The following ADARB1 variants were observed in gnomAD, a reference collection of about 807,000 sequenced individuals.
The protein encoded by ADARB1 is adenosine deaminase RNA specific B1, also known as double-stranded RNA-specific editase 1.
ADARB1 carries 10 observed loss-of-function variants against 52.4 expected under a neutral mutation model. The observed-to-expected ratio is 0.19, with a 90% CI of 0.12 to 0.32. The LOEUF is 0.32. ADARB1 is among the 10% of genes least tolerant of loss of function. The pLI is 1.00. For synonymous variants in ADARB1, 349 were observed against 371.1 expected (o/e 0.94, Z 0.68); for missense variants, 643 against 922.3 (o/e 0.70, Z 3.92).
chr21:45,127,760 C>T (rs901422119), intron 1 of ADARB1, among the ~76,000 whole-genome samples: 1 of 152,148 alleles, frequency 6.6e-6, no homozygotes, highest in Non-Finnish European at 1.5e-5. Context: ...AATGGAGAAA[C>T]CCATTGCAGA....
rs1009889525 is a variant in ADARB1, at chr21:45,184,916, C to T, written c.1397-7C>T. ...CCTGTGGGGTTTTAACTCTTTTTCTCTCTTAGAACCAGCAGATAGACACCC... is the reference window on the plus strand; with the variant it reads ...CCTGTGGGGTTTTAACTCTTTTTCTTTCTTAGAACCAGCAGATAGACACCC... On this transcript the variant is annotated splice_polypyrimidine_tract_variant and splice_region_variant and intron_variant, in intron 7 of 10. Transcript: ENST00000348831. 6.2e-7 allele frequency: 1 copy of T among 1,606,152 alleles called. No individual in the cohort carries two copies. The highest frequency in any genetic ancestry group is 8.5e-7 in the Non-Finnish European group (1 of 1,174,014).
Position 45,226,470 on chromosome 21 carries a change from C to T in ADARB1, c.*4273C>T, listed in dbSNP as rs961489291. The T allele has an allele frequency of 4.6e-5, 7 of 152,640 alleles. No individual in the cohort carries two copies. The highest frequency in any genetic ancestry group is 6.5e-5 in the Admixed American group (1 of 15,290). 9.5% of individuals were successfully genotyped at this position (152,640 alleles called of 1,614,324 possible). A position where few individuals can be genotyped will look rare whatever the true frequency, so the allele number is the denominator to read the frequency against. On this transcript the variant is annotated 3_prime_UTR_variant, in exon 11 of 11. Transcript: ENST00000348831. ...CGTTACAACTGCATGAGCTTCCTCTCGCACAAGACCAGCTGGAACTGAGCA... is the reference window on the plus strand; with the variant it reads ...CGTTACAACTGCATGAGCTTCCTCTTGCACAAGACCAGCTGGAACTGAGCA...
At chr21:45,137,684 T>C (rs1173303063) in intron 2 of ADARB1, among the ~76,000 whole-genome samples, 1 of 152,198 alleles carries the variant, frequency 6.6e-6, no homozygotes, top group Non-Finnish European at 1.5e-5. Flanking sequence ...GCCCACTGCA[T>C]GTGAACAGCC....
intron 9 of ADARB1, among the ~76,000 whole-genome samples, chr21:45,217,783 G>A (rs1461012368): frequency 6.6e-6 from 1 of 152,014 alleles, no homozygotes; most frequent in African/African-American, 2.4e-5. Flanking sequence ...GGTATGTCTG[G>A]GAAAGTATTT....
intron 3 of ADARB1, 22 bp from the exon 4 acceptor site, chr21:45,175,708 T>G (rs749115732): frequency 1.2e-6 from 2 of 1,611,402 alleles, no homozygotes; most frequent in Non-Finnish European, 1.7e-6. Flanking sequence ...GCATTGTAAG[T>G]TACTCTTTCT....
At position 45,208,935 on chromosome 21, in the gene ADARB1, TA is replaced by T. The variant is rs2146380346; in HGVS notation, c.1747+4200del. Among the ~76,000 whole-genome samples, 1 of 152,342 alleles carries T rather than the reference TA, an allele frequency of 6.6e-6. No individual in the cohort carries two copies. The highest frequency in any genetic ancestry group is 2.4e-5 in the African/African-American group (1 of 41,578). ...CATCTGACAATTTTTCTTTCCATTT[TA>T]CTTTCTGTTTTCCTCCCCTTTGCTT... On this transcript the variant is annotated intron_variant, in intron 9 of 10. Coordinates refer to ENST00000348831, the MANE Select transcript of ADARB1 (RefSeq NM_001112.4). This position sits in a 1 kb window ranked among gnomAD's most constrained non-coding sequence, Gnocchi z 5.6.
chr21:45,182,006 T>C (rs1267242419), intron 5 of ADARB1, among the ~76,000 whole-genome samples: 1 of 152,238 alleles, frequency 6.6e-6, no homozygotes, highest in Admixed American at 6.5e-5. Context: ...ACACCTCTGG[T>C]CAGTGGTTTA....
At position 45,106,416 on chromosome 21, in the gene ADARB1, G is replaced by T. The variant is rs140936474; in HGVS notation, c.-219-21986G>T. On this transcript the variant is annotated intron_variant, in intron 1 of 10. Coordinates refer to ENST00000348831, the MANE Select transcript of ADARB1 (RefSeq NM_001112.4). ...GTCTCTAAGGCCATCCTAAATACGT[G>T]ACCTGGAGAGAGAGGGGGTGGCTAG... Among the ~76,000 whole-genome samples the T allele has an allele frequency of 1.1e-3, 173 of 152,188 alleles. 2 individuals carry two copies. The highest frequency in any genetic ancestry group is 4.0e-3 in the African/African-American group (168 of 41,510).
intron 2 of ADARB1, among the ~76,000 whole-genome samples, chr21:45,165,846 C>T (rs772705444): frequency 1.6e-4 from 24 of 150,096 alleles, no homozygotes; most frequent in South Asian, 1.0e-3. Context: ...TTTTAGTTTG[C>T]AGTTCAAAGC....
At chr21:45,155,095 A>G (rs2090484857) in intron 2 of ADARB1, among the ~76,000 whole-genome samples, 2 of 152,232 alleles carry the variant, frequency 1.3e-5, no homozygotes, top group Non-Finnish European at 2.9e-5. Context: ...ATGTGATAAC[A>G]TCCTTATCTG....
intron 1 of ADARB1, among the ~76,000 whole-genome samples, chr21:45,111,417 G>A (rs1183841392): frequency 1.3e-5 from 2 of 151,916 alleles, no homozygotes; most frequent in African/African-American, 2.4e-5. Flanking sequence ...ATCAACATCC[G>A]TATCCGGAGC....
intron 7 of ADARB1, 128 bp downstream of exon 7, chr21:45,183,638 A>G (rs1345693538): frequency 9.1e-7 from 1 of 1,095,296 alleles, no homozygotes. Flanking sequence ...ATCTGATAAG[A>G]GTCTCTATAA....
chr21:45,078,052 CA>C (rs145640817), intron 1 of ADARB1, among the ~76,000 whole-genome samples: 61 of 151,918 alleles, frequency 4.0e-4, no homozygotes, highest in Non-Finnish European at 6.9e-4. Flanking sequence ...CAAATTATCA[CA>C]ATTTTTTTTT....
At chr21:45,085,425 G>A (rs962256651) in intron 1 of ADARB1, among the ~76,000 whole-genome samples, 14 of 152,188 alleles carry the variant, frequency 9.2e-5, no homozygotes, top group African/African-American at 1.2e-4. Context: ...GTGTGAAGTC[G>A]ATTTAAACAG....
chr21:45,170,237 A>G (rs1014322210), intron 2 of ADARB1, among the ~76,000 whole-genome samples: 1 of 152,250 alleles, frequency 6.6e-6, no homozygotes, highest in Non-Finnish European at 1.5e-5. Flanking sequence ...TAAATACTTC[A>G]GTATATGTCA....
intron 2 of ADARB1, among the ~76,000 whole-genome samples, chr21:45,155,906 C>T (rs2090554379): frequency 9.7e-6 from 1 of 102,590 alleles, no homozygotes; most frequent in African/African-American, 3.9e-5. Context: ...ACCCATTACC[C>T]ATCATCCATC....
At chr21:45,196,971 C>T (rs1425274774) in intron 8 of ADARB1, among the ~76,000 whole-genome samples, 2 of 152,124 alleles carry the variant, frequency 1.3e-5, no homozygotes, top group Admixed American at 6.5e-5. Flanking sequence ...GCAGATGGAT[C>T]GCTTGAGGTC....
intron 2 of ADARB1, among the ~76,000 whole-genome samples, chr21:45,146,894 A>AT (rs1336826235): frequency 6.6e-6 from 1 of 152,124 alleles, no homozygotes; most frequent in Non-Finnish European, 1.5e-5. Context: ...CTGGGTAAAA[A>AT]TTCTGGCTTC....
Position 45,220,843 on chromosome 21 carries a change from C to G in ADARB1, c.1755C>G (p.Ser585Arg), listed in dbSNP as rs1429467094. The G allele has an allele frequency of 6.2e-7, 1 of 1,612,886 alleles. No homozygotes were observed. The highest frequency in any genetic ancestry group is 1.7e-5 in the Admixed American group (1 of 59,988). Residue 585 changes from serine (S) to arginine (R), a missense_variant, in exon 10 of 11, where the codon AGC (serine) becomes AGG (arginine). Physicochemically the swap from Ser to Arg is moderately radical, Grantham distance 110 (BLOSUM62 -1). Coordinates refer to ENST00000348831, the MANE Select transcript of ADARB1 (RefSeq NM_001112.4). This position sits in a 1 kb window ranked among gnomAD's most constrained non-coding sequence, Gnocchi z 6.3. ...TLNKPLLSGI[S>R]NAEARQPGKA... Reference sequence around the variant, plus strand: ...CTGTGTCTTCCGTTTCAGGCATCAGCAATGCAGAAGCACGGCAGCCAGGGA... The same window carrying G: ...CTGTGTCTTCCGTTTCAGGCATCAGGAATGCAGAAGCACGGCAGCCAGGGA...
Sources: allele counts gnomAD v4.1 joint callset (sites outside exome capture counted in the v4.1 genomes callset), GRCh38; gene constraint gnomAD v4.1.1; non-coding constraint Gnocchi (gnomAD v3.1); transcripts MANE v1.5; gene names NCBI Gene and HGNC (gene_info 2026-07-23, HGNC 2026-07-21).